The following COL4A6 variants were observed in gnomAD, a reference collection of about 807,000 sequenced individuals.
COL4A6 encodes collagen alpha-6(IV) chain.
Under a neutral mutation model 126.7 loss-of-function variants are expected in COL4A6, and 59 were observed. The observed-to-expected ratio is 0.47, with a 90% CI of 0.38 to 0.58. The LOEUF (loss-of-function observed/expected upper bound fraction) is 0.58, where lower values mean the gene tolerates loss of function less well. Ranked by LOEUF, COL4A6 falls within the 20% of genes least tolerant of loss-of-function variation. The pLI is 0.00. For missense variants in COL4A6, 1,285 were observed against 1,337.3 expected (o/e 0.96, Z 0.61); for synonymous variants, 547 against 496.6 (o/e 1.10, Z -1.35).
chrX:108,176,131 C>G (rs1197993610), intron 28 of COL4A6, among the ~76,000 whole-genome samples: 1 of 109,582 alleles, frequency 9.1e-6, no homozygotes, highest in African/African-American at 3.3e-5. Flanking sequence ...TCGAGACCAG[C>G]CTGGCCAACA....
At chrX:108,430,785 T>C (rs1251810113) in intron 2 of COL4A6, among the ~76,000 whole-genome samples, 1 of 111,934 alleles carries the variant, frequency 8.9e-6, no homozygotes, top group Non-Finnish European at 1.9e-5. Context: ...GGTTGGAGTG[T>C]CATGGGAAGG....
intron 3 of COL4A6, among the ~76,000 whole-genome samples, chrX:108,278,482 T>A (rs2037687930): frequency 1.8e-5 from 2 of 110,811 alleles, no homozygotes; most frequent in Admixed American, 1.9e-4. Context: ...CCAAGAAATA[T>A]GGGACTATGT....
chrX:108,316,278 G>A (rs999388162), intron 2 of COL4A6, among the ~76,000 whole-genome samples: 7 of 112,033 alleles, frequency 6.2e-5, no homozygotes, highest in Non-Finnish European at 1.3e-4. Flanking sequence ...TATGTACTAG[G>A]CACTGTGTTA....
At chrX:108,388,596 T>C (rs2040756731) in intron 2 of COL4A6, among the ~76,000 whole-genome samples, 1 of 111,608 alleles carries the variant, frequency 9.0e-6, no homozygotes, top group South Asian at 3.8e-4. Flanking sequence ...TCTATTTGAT[T>C]CTTCTCTCTT....
chrX:108,431,337 A>G (rs1163133505), intron 2 of COL4A6, among the ~76,000 whole-genome samples: 1 of 112,150 alleles, frequency 8.9e-6, no homozygotes, highest in Non-Finnish European at 1.9e-5. Flanking sequence ...CCAAATGTTG[A>G]AATCCCAAAG....
chrX:108,183,496 T>C (rs2034749813), intron 23 of COL4A6, among the ~76,000 whole-genome samples: 1 of 111,277 alleles, frequency 9.0e-6, no homozygotes, highest in Non-Finnish European at 1.9e-5. Context: ...AGAGACTGCA[T>C]GCCCACTCAA....
At chrX:108,349,903 A>G (rs940215523) in intron 2 of COL4A6, among the ~76,000 whole-genome samples, 1 of 111,009 alleles carries the variant, frequency 9.0e-6, no homozygotes, top group African/African-American at 3.3e-5. Context: ...TGATGCACAC[A>G]CTCCCTAGGT....
chrX:108,171,522 T>A (rs2034303187), intron 32 of COL4A6, 61 bp from the exon 33 acceptor site: 10 of 965,824 alleles, frequency 1.0e-5, no homozygotes, highest in Non-Finnish European at 1.5e-5. Flanking sequence ...TTTGCACCAC[T>A]GAGATCTTTT....
chrX:108,272,957 T>G lies in COL4A6; in HGVS notation c.144+37791A>C, dbSNP rs2037493737. 2.7e-5 allele frequency among the ~76,000 whole-genome samples: 3 copies of G among 110,471 alleles called. No individual in the cohort carries two copies. The Admixed American group carries it at 2.9e-4, about 11-fold the overall frequency. On this transcript the variant is annotated intron_variant, in intron 3 of 44. Transcript: ENST00000334504. ...ATTTATTTTTATTATTATTATACTT[T>G]AAGTTCTAGGGTACATGTGCACAAC...
At chrX:108,346,964 T>C (rs1277598882) in intron 2 of COL4A6, among the ~76,000 whole-genome samples, 3 of 112,422 alleles carry the variant, frequency 2.7e-5, no homozygotes, top group Non-Finnish European at 5.6e-5. Context: ...ATGTGGCAGA[T>C]TGTTGAGTGC....
At position 108,164,872 on chromosome X, in the gene COL4A6, C is replaced by T. The variant is rs770726601; in HGVS notation, c.3970+5G>A. ...AGGGCCCAGCAGCCAGCCGAGCAGC[C>T]GTACCTTTCAGTCCTAGCTCTCCAG... On this transcript the variant is annotated splice_donor_5th_base_variant and intron_variant, in intron 39 of 44. Transcript: ENST00000334504. 31 of 1,196,772 alleles carry T rather than the reference C, an allele frequency of 2.6e-5. No homozygotes were observed. The highest frequency in any genetic ancestry group is 3.5e-5 in the Non-Finnish European group (31 of 887,421).
chrX:108,319,832 G>C (rs1365424004), intron 2 of COL4A6, among the ~76,000 whole-genome samples: 3 of 111,963 alleles, frequency 2.7e-5, no homozygotes, highest in African/African-American at 9.7e-5. Context: ...TAATTTTTTT[G>C]TTAAGATTGG....
intron 2 of COL4A6, among the ~76,000 whole-genome samples, chrX:108,391,918 T>A (rs898290733): frequency 8.9e-6 from 1 of 112,261 alleles, no homozygotes; most frequent in African/African-American, 3.2e-5. Context: ...TCTGCATCAA[T>A]CTTGCTAGGA....
At chrX:108,222,656 C>T (rs1352530224) in intron 3 of COL4A6, among the ~76,000 whole-genome samples, 1 of 111,669 alleles carries the variant, frequency 9.0e-6, no homozygotes, top group Non-Finnish European at 1.9e-5. Context: ...AAATGCAGTT[C>T]TCTTGGGCAC....
chrX:108,235,640 A>G (rs190326990), intron 3 of COL4A6, among the ~76,000 whole-genome samples: 3 of 111,524 alleles, frequency 2.7e-5, no homozygotes, highest in African/African-American at 9.8e-5. Context: ...ATGTTTTGTC[A>G]GGGTTCTTCA....
chrX:108,288,640 T>C (rs2038073727), intron 3 of COL4A6, among the ~76,000 whole-genome samples: 1 of 111,151 alleles, frequency 9.0e-6, no homozygotes, highest in South Asian at 3.8e-4. Flanking sequence ...AGCTTATTTT[T>C]AAATAAATCT....
At chrX:108,378,005 G>A (rs1200751364) in intron 2 of COL4A6, among the ~76,000 whole-genome samples, 1 of 96,211 alleles carries the variant, frequency 1.0e-5, no homozygotes, top group East Asian at 3.6e-4. Flanking sequence ...ATAGGCATAT[G>A]AACAATATTC....
chrX:108,215,744 A>T (rs758857441), intron 5 of COL4A6, among the ~76,000 whole-genome samples: 6 of 111,477 alleles, frequency 5.4e-5, no homozygotes, highest in African/African-American at 2.0e-4. Context: ...ATGGTTCCAG[A>T]TCTCAGAGGA....
intron 3 of COL4A6, among the ~76,000 whole-genome samples, chrX:108,243,510 A>C (rs2036632122): frequency 9.0e-6 from 1 of 111,709 alleles, no homozygotes; most frequent in African/African-American, 3.3e-5. Context: ...CCAGAACCTG[A>C]CCACACTGGC....
Sources: allele counts gnomAD v4.1 joint callset (sites outside exome capture counted in the v4.1 genomes callset), GRCh38; gene constraint gnomAD v4.1.1; transcripts MANE v1.5; gene names NCBI Gene and HGNC (gene_info 2026-07-23, HGNC 2026-07-21).